TTC33: variants seen among roughly 807,000 people sequenced by gnomAD.
TTC33 encodes tetratricopeptide repeat protein 33.
TTC33 carries 24 observed loss-of-function variants against 29.4 expected under a neutral mutation model. The ratio of observed to expected loss-of-function variants is 0.82; its 90% CI spans 0.59 to 1.15. TTC33 has a LOEUF of 1.15. TTC33 is among the 50% of genes most tolerant of loss of function. TTC33 has a pLI of 0.00. For missense variants in TTC33, 286 were observed against 310.4 expected (o/e 0.92, Z 0.59); for synonymous variants, 107 against 100.3 (o/e 1.07, Z -0.40).
At chr5:40,735,391 A>G (rs1742527328) in intron 2 of TTC33, among the ~76,000 whole-genome samples, 1 of 152,178 alleles carries the variant, frequency 6.6e-6, no homozygotes, top group African/African-American at 2.4e-5. Context: ...GAAAGAGGAA[A>G]AAAGATTTAC....
In TTC33 at chr5:40,721,648, A is replaced by G. The variant is rs919966790; in HGVS notation, c.436-5150T>C. On this transcript the variant is annotated intron_variant, in intron 4 of 4. Coordinates refer to ENST00000337702, the MANE Select transcript of TTC33 (RefSeq NM_012382.3). ...CTTAAATGTAAGACCTGAAGCTTAC[A>G]TTGTAGGAGTCTTATGACTCCTACA... 3.9e-5 allele frequency among the ~76,000 whole-genome samples: 6 copies of G among 152,232 alleles called. No individual in the cohort carries two copies. The East Asian group carries it at 1.2e-3, about 29-fold the overall frequency.
chr5:40,745,101 A>G (rs1274199515), intron 2 of TTC33, among the ~76,000 whole-genome samples: 1 of 152,186 alleles, frequency 6.6e-6, no homozygotes, highest in Non-Finnish European at 1.5e-5. Flanking sequence ...AGTCAGTGTC[A>G]TGGGGGATAA....
rs571748970 is a variant in TTC33, at chr5:40,725,632, T to C, written c.435+2713A>G. 3.3e-5 allele frequency among the ~76,000 whole-genome samples: 5 copies of C among 152,266 alleles called. No homozygotes were observed. The South Asian group carries it at 6.2e-4, about 19-fold the overall frequency. ...CCCTGGAAAGCCAACAGAAGAATCC[T>C]TCCTGATACTGTTACCTCCTGGTAT... On this transcript the variant is annotated intron_variant, in intron 4 of 4. Transcript: ENST00000337702.
intron 4 of TTC33, among the ~76,000 whole-genome samples, chr5:40,723,628 G>T (rs550360216): frequency 6.6e-6 from 1 of 152,244 alleles, no homozygotes; most frequent in African/African-American, 2.4e-5. Context: ...ACTGTGGGAG[G>T]CCATGGTGGG....
At chr5:40,749,181 A>C (rs1742851629) in intron 1 of TTC33, among the ~76,000 whole-genome samples, 1 of 152,228 alleles carries the variant, frequency 6.6e-6, no homozygotes, top group Non-Finnish European at 1.5e-5. Context: ...AGAGAGGATA[A>C]ATGATAAAAC....
intron 2 of TTC33, among the ~76,000 whole-genome samples, chr5:40,741,625 A>G (rs1397624200): frequency 2.0e-5 from 3 of 152,140 alleles, no homozygotes; most frequent in African/African-American, 7.2e-5. Flanking sequence ...CTCACGCAGC[A>G]AGACCACTGT....
chr5:40,724,466 C>T (rs1742231607), intron 4 of TTC33, among the ~76,000 whole-genome samples: 1 of 152,002 alleles, frequency 6.6e-6, no homozygotes, highest in Admixed American at 6.6e-5. Flanking sequence ...AACCCTGTCT[C>T]TACTAAAATT....
chr5:40,742,353 GTATT>G (rs1467672382), intron 2 of TTC33, among the ~76,000 whole-genome samples: 1 of 152,038 alleles, frequency 6.6e-6, no homozygotes, highest in Non-Finnish European at 1.5e-5. Flanking sequence ...TATTTATTGA[GTATT>G]TACTACATGA....
intron 1 of TTC33, among the ~76,000 whole-genome samples, chr5:40,749,463 C>G (rs540194286): frequency 3.3e-5 from 5 of 151,850 alleles, no homozygotes; most frequent in Non-Finnish European, 5.9e-5. Context: ...AGCAATGAAC[C>G]AAAAAACATA....
intron 2 of TTC33, among the ~76,000 whole-genome samples, chr5:40,733,873 G>A (rs748546286): frequency 4.6e-5 from 7 of 152,104 alleles, no homozygotes; most frequent in Non-Finnish European, 8.8e-5. Flanking sequence ...TTATTAGGCA[G>A]GTATGCATGT....
intron 1 of TTC33, among the ~76,000 whole-genome samples, chr5:40,750,183 T>C (rs1445778603): frequency 6.6e-6 from 1 of 152,214 alleles, no homozygotes. Flanking sequence ...CCTAATCTTT[T>C]TACTGATGGA....
At chr5:40,719,664 A>G (rs1050703795) in intron 4 of TTC33, among the ~76,000 whole-genome samples, 1 of 152,126 alleles carries the variant, frequency 6.6e-6, no homozygotes, top group Non-Finnish European at 1.5e-5. Context: ...CATTCCCACC[A>G]GCAATGGACG....
At position 40,755,941 on chromosome 5, in the gene TTC33, T is replaced by C. The variant is rs1319821456; in HGVS notation, c.-119A>G. The C allele has an allele frequency of 6.6e-6, 1 of 152,272 alleles. No homozygotes were observed. Among genetic ancestry groups the C allele is most frequent in the African/African-American group, 2.4e-5 (1 of 41,390 alleles). The allele number at this position is 152,272 out of a possible 1,614,324, so 9.4% of individuals were successfully genotyped here. ...ACTCAGTCTTTCCCCTCCGCCAATCTCTTCTCCGGGACCACAAATCCCAGA... is the reference window on the plus strand; with the variant it reads ...ACTCAGTCTTTCCCCTCCGCCAATCCCTTCTCCGGGACCACAAATCCCAGA... On this transcript the variant is annotated 5_prime_UTR_variant, in exon 1 of 5. Coordinates refer to ENST00000337702, the MANE Select transcript of TTC33 (RefSeq NM_012382.3).
intron 4 of TTC33, among the ~76,000 whole-genome samples, chr5:40,724,517 C>A (rs531432421): frequency 1.3e-5 from 2 of 151,932 alleles, no homozygotes; most frequent in Admixed American, 1.3e-4. Context: ...CCTATAGTCC[C>A]AGCTACTTGG....
In TTC33 at chr5:40,715,998, C is replaced by T; in HGVS notation, c.*147G>A. 4.9e-6 allele frequency: 3 copies of T among 607,120 alleles called. No individual in the cohort carries two copies. Among genetic ancestry groups the T allele is most frequent in the African/African-American group, 1.8e-5 (1 of 54,056 alleles). 37.6% of individuals were successfully genotyped at this position (607,120 alleles called of 1,614,324 possible). On this transcript the variant is annotated 3_prime_UTR_variant, in exon 5 of 5. Coordinates refer to ENST00000337702, the MANE Select transcript of TTC33 (RefSeq NM_012382.3). ...ATATTCCAAACACTATACAATAATCCTGCCATTTTAGTTTTTATATGCCTC... is the reference window on the plus strand; with the variant it reads ...ATATTCCAAACACTATACAATAATCTTGCCATTTTAGTTTTTATATGCCTC...
At chr5:40,737,923 A>G (rs1026853863) in intron 2 of TTC33, among the ~76,000 whole-genome samples, 4 of 152,220 alleles carry the variant, frequency 2.6e-5, no homozygotes, top group East Asian at 1.9e-4. Flanking sequence ...ATACTATTGT[A>G]TGGATATACC....
intron 3 of TTC33, among the ~76,000 whole-genome samples, chr5:40,729,779 A>C (rs1579678326): frequency 6.6e-6 from 1 of 152,046 alleles, no homozygotes; most frequent in African/African-American, 2.4e-5. Flanking sequence ...GCTCACTGCA[A>C]CCTCCGCCTC....
intron 2 of TTC33, among the ~76,000 whole-genome samples, chr5:40,740,662 G>A (rs1234140037): frequency 6.6e-6 from 1 of 152,128 alleles, no homozygotes; most frequent in African/African-American, 2.4e-5. Context: ...ACTATCCAAG[G>A]TATTGTCCAA....
At chr5:40,744,273 G>T (rs1742751140) in intron 2 of TTC33, among the ~76,000 whole-genome samples, 1 of 152,156 alleles carries the variant, frequency 6.6e-6, no homozygotes, top group South Asian at 2.1e-4. Flanking sequence ...TAAGTTAATT[G>T]ATCTTGATTG....
Sources: gnomAD v4.1 joint callset for allele counts (sites outside exome capture counted in the v4.1 genomes callset) on GRCh38, gnomAD v4.1.1 for gene constraint, MANE v1.5 for transcripts, NCBI Gene and HGNC (gene_info 2026-07-23, HGNC 2026-07-21) for gene names.